The following AUTS2 variants were observed in gnomAD, a reference collection of about 807,000 sequenced individuals.
AUTS2 encodes the protein autism susceptibility gene 2 protein.
Under a neutral mutation model 112.4 loss-of-function variants are expected in AUTS2, and 17 were observed. The ratio of observed to expected loss-of-function variants is 0.15; its 90% confidence interval spans 0.10 to 0.23. The LOEUF (loss-of-function observed/expected upper bound fraction) is 0.23. Among genes scored for constraint, AUTS2 ranks in the 10% least tolerant of loss-of-function variants. The pLI, the probability that AUTS2 is intolerant of heterozygous loss-of-function variation, is 1.00. For missense variants in AUTS2, 1,510 were observed against 1,701.6 expected (o/e 0.89, Z 1.98); for synonymous variants, 751 against 702.7 (o/e 1.07, Z -1.09).
chr7:70,453,828 C>T (rs939858378), intron 5 of AUTS2, among the ~76,000 whole-genome samples: 1 of 152,166 alleles, frequency 6.6e-6, no homozygotes, highest in Non-Finnish European at 1.5e-5. Flanking sequence ...AATCTCACTT[C>T]GGGATTCTTA....
intron 1 of AUTS2, among the ~76,000 whole-genome samples, chr7:69,681,213 C>T (rs749066570): frequency 6.6e-6 from 1 of 152,182 alleles, no homozygotes; most frequent in Non-Finnish European, 1.5e-5. Flanking sequence ...CTTCTATGAA[C>T]ACGAGTGTGC....
rs574953738 is a variant in AUTS2, at chr7:69,598,823, A to T, written c.-831A>T. The T allele has an allele frequency of 1.8e-4, 26 of 146,350 alleles. No individual in the cohort carries two copies. In the South Asian group the frequency reaches 3.2e-3, roughly 18 times the overall value. The allele number at this position is 146,350 out of a possible 1,614,324, so 9.1% of individuals were successfully genotyped here. ...CAGGGTTTGCTTCTTCTCTTCTTTC[A>T]TCTCCCTCTCCTCCCCCCTCGAAGA... On this transcript the variant is annotated 5_prime_UTR_variant, in exon 1 of 19. Coordinates refer to ENST00000342771, the MANE Select transcript of AUTS2 (RefSeq NM_015570.4).
intron 4 of AUTS2, among the ~76,000 whole-genome samples, chr7:70,420,195 A>C (rs1019915179): frequency 1.3e-5 from 2 of 152,150 alleles, no homozygotes; most frequent in African/African-American, 2.4e-5. Context: ...TTCACATTCT[A>C]CTCAAGCCAG....
chr7:70,589,655 A>C (rs112327004), intron 5 of AUTS2, among the ~76,000 whole-genome samples: 5 of 152,344 alleles, frequency 3.3e-5, no homozygotes, highest in Admixed American at 1.3e-4. Context: ...CGGAGGTTGC[A>C]GTGAGCCGAG....
chr7:70,521,514 A>G (rs1247724355), intron 5 of AUTS2, among the ~76,000 whole-genome samples: 7 of 152,112 alleles, frequency 4.6e-5, no homozygotes, highest in African/African-American at 1.7e-4. Context: ...GATGATGTTG[A>G]TGGTTCTCTG....
chr7:69,772,676 C>T (rs1275700532), intron 1 of AUTS2, among the ~76,000 whole-genome samples: 3 of 152,106 alleles, frequency 2.0e-5, no homozygotes, highest in East Asian at 3.9e-4. Context: ...TCAAGTGATC[C>T]TCATGCCTTG....
chr7:70,052,584 A>C (rs1584642179), intron 2 of AUTS2, among the ~76,000 whole-genome samples: 1 of 152,184 alleles, frequency 6.6e-6, no homozygotes, highest in African/African-American at 2.4e-5. Context: ...AGCATTTTCT[A>C]ATTTGCACTA....
intron 1 of AUTS2, among the ~76,000 whole-genome samples, chr7:69,826,736 C>T (rs17140933): frequency 0.35 from 53,729 of 151,902 alleles, 9,968 homozygotes; most frequent in African/African-American, 0.46. Flanking sequence ...GTATTTTATT[C>T]CTAGGCAAGG....
At chr7:70,296,529 C>A (rs1788942460) in intron 4 of AUTS2, among the ~76,000 whole-genome samples, 1 of 152,106 alleles carries the variant, frequency 6.6e-6, no homozygotes, top group Admixed American at 6.6e-5. Context: ...TTTTTCCCTT[C>A]AACTATATAA....
At chr7:70,577,834 T>A (rs1017380360) in intron 5 of AUTS2, among the ~76,000 whole-genome samples, 4 of 151,940 alleles carry the variant, frequency 2.6e-5, no homozygotes, top group Non-Finnish European at 4.4e-5. Flanking sequence ...TTTCTTTATT[T>A]TTTTTTTATT....
chr7:70,627,668 C>T (rs1321408407), intron 5 of AUTS2, among the ~76,000 whole-genome samples: 1 of 152,222 alleles, frequency 6.6e-6, no homozygotes, highest in Non-Finnish European at 1.5e-5. Context: ...GCGCCAGTTC[C>T]TGTCATTCTC....
chr7:70,358,655 C>T (rs1415181351), intron 4 of AUTS2, among the ~76,000 whole-genome samples: 1 of 152,218 alleles, frequency 6.6e-6, no homozygotes, highest in Admixed American at 6.5e-5. Context: ...CCACATGGTC[C>T]TAAGGGGGAA....
intron 1 of AUTS2, among the ~76,000 whole-genome samples, chr7:69,622,780 C>G (rs1369112784): frequency 6.6e-6 from 1 of 152,136 alleles, no homozygotes; most frequent in African/African-American, 2.4e-5. Context: ...TCAGAAAAGC[C>G]TTGGCCAAAT....
At chr7:69,730,145 T>A (rs1397828624) in intron 1 of AUTS2, among the ~76,000 whole-genome samples, 1 of 151,820 alleles carries the variant, frequency 6.6e-6, no homozygotes, top group South Asian at 2.1e-4. Context: ...CTTGGCAATA[T>A]GTAACTCTTT....
At position 70,385,948 on chromosome 7, in the gene AUTS2, C is replaced by G. The variant is rs551040315; in HGVS notation, c.661-49804C>G. Reference sequence around the variant, plus strand: ...CTCAACAGTATGGTTACTTACAACACAGAGATTTGCCAGCCCAGGTTTCAT... The same window carrying G: ...CTCAACAGTATGGTTACTTACAACAGAGAGATTTGCCAGCCCAGGTTTCAT... On this transcript the variant is annotated intron_variant, in intron 4 of 18. Transcript: ENST00000342771. Among the ~76,000 whole-genome samples the G allele has an allele frequency of 7.5e-3, 1,147 of 152,272 alleles. 21 individuals carry two copies. Among genetic ancestry groups the G allele is most frequent in the African/African-American group, 0.026 (1,099 of 41,548 alleles).
chr7:69,811,289 A>G (rs1221994308), intron 1 of AUTS2, among the ~76,000 whole-genome samples: 1 of 152,032 alleles, frequency 6.6e-6, no homozygotes, highest in African/African-American at 2.4e-5. Context: ...TCTGTGATCT[A>G]GGGCTCTCTG....
chr7:70,172,547 A>G (rs1021172433), intron 4 of AUTS2, among the ~76,000 whole-genome samples: 1 of 152,094 alleles, frequency 6.6e-6, no homozygotes, highest in Admixed American at 6.6e-5. Flanking sequence ...TAAACCCTTC[A>G]TTTCTAGAGA....
intron 5 of AUTS2, among the ~76,000 whole-genome samples, chr7:70,639,007 A>G (rs1805666957): frequency 1.3e-5 from 2 of 152,170 alleles, no homozygotes; most frequent in South Asian, 2.1e-4. Flanking sequence ...CCCTACTTCT[A>G]CTTCCAGGGG....
intron 1 of AUTS2, among the ~76,000 whole-genome samples, chr7:69,789,906 T>G (rs1789540280): frequency 6.6e-6 from 1 of 152,168 alleles, no homozygotes; most frequent in Non-Finnish European, 1.5e-5. Flanking sequence ...GCTGAAATGA[T>G]GACAGTGAGT....
Sources: gnomAD v4.1 joint callset for allele counts (sites outside exome capture counted in the v4.1 genomes callset) on GRCh38, gnomAD v4.1.1 for gene constraint, MANE v1.5 for transcripts, NCBI Gene and HGNC (gene_info 2026-07-23, HGNC 2026-07-21) for gene names.